Variants in SLC25A12 observed in about 807,000 individuals in gnomAD.
The protein encoded by SLC25A12 is solute carrier family 25 member 12.
SLC25A12 carries 32 observed loss-of-function variants against 83.3 expected under a neutral mutation model. The observed-to-expected ratio is 0.38, with a 90% confidence interval of 0.29 to 0.52. SLC25A12 has a LOEUF of 0.52. SLC25A12 is among the 20% of genes least tolerant of loss of function. The pLI is 0.84. For synonymous variants in SLC25A12, 267 were observed against 291.1 expected, an observed-to-expected ratio of 0.92 and a Z score of 0.84; for missense variants, 611 against 835.6, an observed-to-expected ratio of 0.73 and a Z score of 3.31.
intron 8 of SLC25A12, among the ~76,000 whole-genome samples, chr2:171,828,703 A>G (rs1485571519): frequency 6.6e-6 from 1 of 152,210 alleles, no homozygotes; most frequent in East Asian, 1.9e-4. Context: ...TGTAATCCAC[A>G]TGACAAAAGA....
intron 2 of SLC25A12, among the ~76,000 whole-genome samples, chr2:171,875,393 T>C (rs1267762410): frequency 6.6e-6 from 1 of 152,186 alleles, no homozygotes; most frequent in Non-Finnish European, 1.5e-5. Flanking sequence ...TCCAACTCTG[T>C]TCAAAATGCC....
Position 171,852,621 on chromosome 2 carries a change from A to G in SLC25A12, c.325+3213T>C, listed in dbSNP as rs1461630799. 3 of 452,940 alleles carry G rather than the reference A, an allele frequency of 6.6e-6. No homozygotes were observed. The Admixed American group carries it at 7.2e-5, about 11-fold the overall frequency. 28.1% of individuals were successfully genotyped at this position (452,940 alleles called of 1,614,324 possible). A position where few individuals can be genotyped will look rare whatever the true frequency, so the allele number is the denominator to read the frequency against. ...TACCTAAACATGTGCCTATAAATAC[A>G]TAAGCACAATTCATTTTATTAAGTG... is the stretch of plus-strand genomic sequence containing the variant. On this transcript the variant is annotated intron_variant, in intron 4 of 17. Transcript: ENST00000422440.
intron 2 of SLC25A12, among the ~76,000 whole-genome samples, chr2:171,873,175 G>A (rs146069152): frequency 1.1e-3 from 175 of 152,330 alleles, no homozygotes; most frequent in Middle Eastern, 3.4e-3. Flanking sequence ...AGGGCCGGAT[G>A]CAGTGGCTCA....
chr2:171,789,313 C>T (rs531767334), intron 15 of SLC25A12, among the ~76,000 whole-genome samples: 77 of 152,178 alleles, frequency 5.1e-4, no homozygotes, highest in African/African-American at 1.8e-3. Context: ...ACTGCAAGCT[C>T]CGCCTCCCAG....
chr2:171,820,167 C>T (rs1411458935), intron 9 of SLC25A12, among the ~76,000 whole-genome samples: 1 of 152,106 alleles, frequency 6.6e-6, no homozygotes, highest in South Asian at 2.1e-4. Context: ...TACAAAAAAA[C>T]CCCATGACAC....
intron 15 of SLC25A12, among the ~76,000 whole-genome samples, chr2:171,789,298 G>A (rs933156959): frequency 2.0e-5 from 3 of 151,854 alleles, no homozygotes; most frequent in Non-Finnish European, 2.9e-5. Context: ...GCACAATCTC[G>A]GCTCACTGCA....
intron 4 of SLC25A12, among the ~76,000 whole-genome samples, chr2:171,851,727 G>A (rs149189827): frequency 0.072 from 10,877 of 151,984 alleles, 1,052 homozygotes; most frequent in East Asian, 0.54. Context: ...TAGAGATGGG[G>A]TTTCACCATG....
chr2:171,893,304 A>G, intron 1 of SLC25A12, 46 bp from the exon 2 acceptor site: 4 of 1,504,516 alleles, frequency 2.7e-6, no homozygotes, highest in Non-Finnish European at 3.7e-6. Flanking sequence ...TTCACTAGAG[A>G]CCACACAATC....
At chr2:171,844,325 G>T in intron 5 of SLC25A12, 44 bp downstream of exon 5, 1 of 1,588,578 alleles carries the variant, frequency 6.3e-7, no homozygotes, top group Non-Finnish European at 8.6e-7. Flanking sequence ...GAAGGACACA[G>T]AAGAATAGTA....
intron 6 of SLC25A12, 115 bp downstream of exon 6, chr2:171,837,006 C>A: frequency 1.0e-6 from 1 of 980,496 alleles, no homozygotes; most frequent in South Asian, 1.4e-5. Context: ...TTTCTACCAA[C>A]CAAGCATGAA....
intron 2 of SLC25A12, 33 bp from the exon 3 acceptor site, chr2:171,868,856 A>T: frequency 6.5e-7 from 1 of 1,541,856 alleles, no homozygotes. Context: ...CATACTGAAA[A>T]ATTATCCAAT....
rs930397728 is a variant in SLC25A12 at position 171,783,975 on chromosome 2, A to G, written c.*1299T>C. Among the ~76,000 whole-genome samples, 2 of 152,214 alleles carry G rather than the reference A, an allele frequency of 1.3e-5. No individual in the cohort carries two copies. Among genetic ancestry groups the G allele is most frequent in the African/African-American group, 4.8e-5 (2 of 41,456 alleles). On this transcript the variant is annotated 3_prime_UTR_variant, in exon 18 of 18. Transcript: ENST00000422440. ...CATTCTCATATCCCAGCTTACTGGC[A>G]GTAGCAATAATGTCTTCCCAGAGCA...
intron 3 of SLC25A12, among the ~76,000 whole-genome samples, chr2:171,856,296 G>A (rs1211717755): frequency 6.6e-6 from 1 of 152,050 alleles, no homozygotes; most frequent in Non-Finnish European, 1.5e-5. Context: ...CTTTGTTGTG[G>A]GGGTTTCCTG....
intron 2 of SLC25A12, among the ~76,000 whole-genome samples, chr2:171,869,729 AGATT>A (rs1390542819): frequency 6.6e-6 from 1 of 152,222 alleles, no homozygotes; most frequent in Non-Finnish European, 1.5e-5. Flanking sequence ...GAGTTGCATC[AGATT>A]GATTGTTACT....
intron 3 of SLC25A12, among the ~76,000 whole-genome samples, chr2:171,866,423 C>T (rs1331212513): frequency 6.8e-6 from 1 of 147,206 alleles, no homozygotes; most frequent in African/African-American, 2.5e-5. Flanking sequence ...GCAGAGGCGC[C>T]CCTCACCTCC....
In SLC25A12 at chr2:171,844,451, C is replaced by T; in HGVS notation, c.383G>A (p.Trp128Ter). Residue 128 changes from tryptophan to a stop codon, truncating the protein, a stop_gained, in exon 5 of 18, where the codon TGG becomes TAG. Transcript: ENST00000422440. LOFTEE classifies it high-confidence loss of function. ...TIIHHHIPFN[W>*]DCEFIRLHFG... ...ATGCAGTCGGATAAATTCACAATCC[C>T]AGTTAAAAGGGATATGATGATGAAT... 1 of 1,611,922 alleles carries T rather than the reference C, an allele frequency of 6.2e-7. No homozygotes were observed. Among genetic ancestry groups the T allele is most frequent in the Non-Finnish European group, 8.5e-7 (1 of 1,178,110 alleles).
In SLC25A12 at chr2:171,817,600, C is replaced by CA. The variant is rs71013076; in HGVS notation, c.931-2399dup. Reference sequence around the variant, plus strand: ...TGAGTGACAGAGCAAGACTCTGCCTCAAAAAAAAAAAAAAAAAAAAAAATG... The same window carrying CA: ...TGAGTGACAGAGCAAGACTCTGCCTCAAAAAAAAAAAAAAAAAAAAAAAATG... On this transcript the variant is annotated intron_variant, in intron 9 of 17. Transcript: ENST00000422440. Among the ~76,000 whole-genome samples, 614 of 64,196 alleles carry CA rather than the reference C, an allele frequency of 9.6e-3. 31 individuals carry two copies. Among genetic ancestry groups the CA allele is most frequent in the East Asian group, 0.025 (46 of 1,834 alleles). The allele number at this position is 64,196 out of a possible 152,430, so 42.1% of individuals were successfully genotyped here.
chr2:171,880,344 G>A (rs1383809295), intron 2 of SLC25A12, among the ~76,000 whole-genome samples: 4 of 152,054 alleles, frequency 2.6e-5, no homozygotes, highest in Non-Finnish European at 5.9e-5. Context: ...GTGCAGTGGC[G>A]TGACCTTGGC....
At chr2:171,888,874 AAG>A in intron 2 of SLC25A12, among the ~76,000 whole-genome samples, 1 of 152,266 alleles carries the variant, frequency 6.6e-6, no homozygotes, top group East Asian at 1.9e-4. Flanking sequence ...ACATTTTACA[AAG>A]AGTTTTCAAC....
Sources: gnomAD v4.1 joint callset for allele counts (sites outside exome capture counted in the v4.1 genomes callset) on GRCh38, gnomAD v4.1.1 for gene constraint, MANE v1.5 for transcripts, NCBI Gene and HGNC (gene_info 2026-07-23, HGNC 2026-07-21) for gene names.